Variants in NTM observed in about 807,000 individuals in gnomAD.
NTM encodes neurotrimin.
In NTM, 13 loss-of-function variants were observed where a neutral mutation model predicts 42.1. That is an observed-to-expected ratio of 0.31 (90% confidence interval 0.20 to 0.49). NTM has a LOEUF of 0.49. Among genes scored for constraint, NTM ranks in the 20% least tolerant of loss-of-function variants. The pLI, the probability that NTM is intolerant of heterozygous loss-of-function variation, is 0.99. For missense variants in NTM, 373 were observed against 452.8 expected (o/e 0.82, Z 1.60); for synonymous variants, 187 against 179.2 (o/e 1.04, Z -0.35).
chr11:131,912,007 C>T (rs922699924), intron 2 of NTM, among the ~76,000 whole-genome samples: 5 of 152,148 alleles, frequency 3.3e-5, no homozygotes, highest in African/African-American at 1.2e-4. Context: ...GGGCTCCCCG[C>T]GAGCAGTCTT....
chr11:131,727,353 A>G (rs931891255), intron 1 of NTM, among the ~76,000 whole-genome samples: 3 of 152,218 alleles, frequency 2.0e-5, no homozygotes, highest in Admixed American at 2.0e-4. Flanking sequence ...AAGGAGAAAA[A>G]TAAGGTGAAG....
At chr11:131,513,556 C>G (rs1202334139) in intron 1 of NTM, among the ~76,000 whole-genome samples, 1 of 152,212 alleles carries the variant, frequency 6.6e-6, no homozygotes, top group African/African-American at 2.4e-5. Flanking sequence ...AGAGCGGCTT[C>G]CTTCCCAAGT....
At chr11:132,204,922 G>T (rs1437007158) in intron 3 of NTM, among the ~76,000 whole-genome samples, 2 of 152,160 alleles carry the variant, frequency 1.3e-5, no homozygotes, top group African/African-American at 4.8e-5. Context: ...ACACCTGCTT[G>T]GTTGCATCTT....
At chr11:131,598,729 TTCTTTC>T (rs2060074587) in intron 1 of NTM, among the ~76,000 whole-genome samples, 1 of 92,342 alleles carries the variant, frequency 1.1e-5, no homozygotes, top group African/African-American at 3.9e-5. Context: ...CTTTCTTTCT[TTCTTTC>T]TTTCTTTCTT....
At chr11:131,900,780 C>A (rs945836143) in intron 1 of NTM, among the ~76,000 whole-genome samples, 7 of 152,128 alleles carry the variant, frequency 4.6e-5, no homozygotes, top group Admixed American at 1.3e-4. Context: ...TATTTGTGAG[C>A]TACAGTGATA....
chr11:132,178,357 T>C (rs1457115760), intron 3 of NTM, among the ~76,000 whole-genome samples: 8 of 152,238 alleles, frequency 5.3e-5, no homozygotes, highest in Non-Finnish European at 7.3e-5. Flanking sequence ...AAATGCCATA[T>C]AAGTAAACAT....
chr11:131,888,580 CCCT>C (rs1296415437), intron 1 of NTM, among the ~76,000 whole-genome samples: 1 of 152,116 alleles, frequency 6.6e-6, no homozygotes, highest in Non-Finnish European at 1.5e-5. Flanking sequence ...CACTCTTTCT[CCCT>C]CCTCCTTCCA....
chr11:131,535,363 C>G (rs2052012588), intron 1 of NTM: 1 of 152,144 alleles, frequency 6.6e-6, no homozygotes, highest in Non-Finnish European at 1.5e-5. Context: ...AAATGTCACA[C>G]TATACTCTGG....
rs189085628 is a variant in NTM at position 131,801,807 on chromosome 11, G to A, written c.83-109757G>A. On this transcript the variant is annotated intron_variant, in intron 1 of 8. Coordinates refer to ENST00000683400, the MANE Select transcript of NTM (RefSeq NM_001352005.2). ...TGCTCTTCCCGTAACACGTTCTGAC[G>A]TCCTGTCCTGAACCTTTCTCTCAAT... is the stretch of plus-strand genomic sequence containing the variant. Among the ~76,000 whole-genome samples the A allele has an allele frequency of 7.2e-3, 1,101 of 152,098 alleles. 5 individuals are homozygous for A. Among genetic ancestry groups the A allele is most frequent in the African/African-American group, 0.025 (1,026 of 41,488 alleles).
intron 1 of NTM, among the ~76,000 whole-genome samples, chr11:131,653,272 C>A (rs554917469): frequency 3.3e-5 from 2 of 60,734 alleles, no homozygotes; most frequent in Admixed American, 3.0e-4. Context: ...TGTCTCCCTC[C>A]ACCTGCTGTC....
chr11:131,696,978 C>T (rs78201288), intron 1 of NTM, among the ~76,000 whole-genome samples: 9,208 of 152,166 alleles, frequency 0.061, 976 homozygotes, highest in African/African-American at 0.21. Flanking sequence ...AGACAAGAAC[C>T]CGTTTCGTTA....
At chr11:132,021,909 A>G (rs2135532071) in intron 2 of NTM, among the ~76,000 whole-genome samples, 1 of 152,334 alleles carries the variant, frequency 6.6e-6, no homozygotes, top group African/African-American at 2.4e-5. Flanking sequence ...GTGTCAACTA[A>G]GAATATAGGC....
At chr11:131,557,997 A>G (rs2055686754) in intron 1 of NTM, among the ~76,000 whole-genome samples, 1 of 152,204 alleles carries the variant, frequency 6.6e-6, no homozygotes, top group Admixed American at 6.5e-5. Flanking sequence ...GTTGTCCCCT[A>G]CAGCCTTCCA....
chr11:131,715,216 G>A (rs1039172040), intron 1 of NTM, among the ~76,000 whole-genome samples: 2 of 152,192 alleles, frequency 1.3e-5, no homozygotes, highest in Non-Finnish European at 2.9e-5. Context: ...ACAAGAGAAA[G>A]AGGCAGTGCA....
intron 2 of NTM, among the ~76,000 whole-genome samples, chr11:131,970,354 C>A (rs889718690): frequency 1.7e-4 from 26 of 152,194 alleles, no homozygotes; most frequent in African/African-American, 6.3e-4. Flanking sequence ...GACCTCTTGC[C>A]ACTCTGCACC....
At chr11:131,947,506 C>T (rs1192474504) in intron 2 of NTM, among the ~76,000 whole-genome samples, 1 of 152,080 alleles carries the variant, frequency 6.6e-6, no homozygotes, top group Non-Finnish European at 1.5e-5. Context: ...TAGAAACACT[C>T]AGAAAGTGGT....
At chr11:131,751,684 CG>C (rs1360665821) in intron 1 of NTM, among the ~76,000 whole-genome samples, 1 of 151,998 alleles carries the variant, frequency 6.6e-6, no homozygotes, top group Non-Finnish European at 1.5e-5. Context: ...CGCTTGAACC[CG>C]GGAGGCAGAG....
chr11:131,863,035 TC>T (rs1218405563), intron 1 of NTM, among the ~76,000 whole-genome samples: 16 of 152,304 alleles, frequency 1.1e-4, no homozygotes, highest in African/African-American at 3.6e-4. Context: ...TCAGCCAGGG[TC>T]TCTAGACTCA....
chr11:131,585,355 C>A (rs1302010802), intron 1 of NTM, among the ~76,000 whole-genome samples: 1 of 152,192 alleles, frequency 6.6e-6, no homozygotes, highest in East Asian at 1.9e-4. Context: ...ACGCTGGCGG[C>A]TGATTGCGAT....
Sources: allele counts gnomAD v4.1 joint callset (sites outside exome capture counted in the v4.1 genomes callset), GRCh38; gene constraint gnomAD v4.1.1; transcripts MANE v1.5; gene names NCBI Gene and HGNC (gene_info 2026-07-23, HGNC 2026-07-21).